Variants in NR2C1 observed in about 807,000 individuals in gnomAD.
The protein encoded by NR2C1 is nuclear receptor subfamily 2 group C member 1, also known as TR2 nuclear hormone receptor.
In NR2C1, 33 loss-of-function variants were observed where a neutral mutation model predicts 74.8. The observed-to-expected ratio is 0.44, with a 90% CI of 0.33 to 0.59. NR2C1 has a LOEUF of 0.59. Among genes scored for constraint, NR2C1 ranks in the 20% least tolerant of loss-of-function variants. NR2C1 has a pLI of 0.02. For synonymous variants in NR2C1, 225 were observed against 240.6 expected, an observed-to-expected ratio of 0.94 and a Z score of 0.60; for missense variants, 568 against 715.6, an observed-to-expected ratio of 0.79 and a Z score of 2.35.
At chr12:95,067,876 A>G (rs1052581506) in intron 1 of NR2C1, among the ~76,000 whole-genome samples, 17 of 125,430 alleles carry the variant, frequency 1.4e-4, no homozygotes, top group Non-Finnish European at 2.2e-4. Context: ...CCCTCCATGT[A>G]TCTTTTTTTT....
At chr12:95,044,434 ATT>A (rs57195159) in intron 9 of NR2C1, among the ~76,000 whole-genome samples, 11 of 141,564 alleles carry the variant, frequency 7.8e-5, no homozygotes, top group Admixed American at 1.4e-4. Context: ...CACCCGGCTA[ATT>A]TTTTTTTTTT....
chr12:95,072,362 G>C (rs1876787851), intron 1 of NR2C1, among the ~76,000 whole-genome samples: 1 of 149,522 alleles, frequency 6.7e-6, no homozygotes, highest in Admixed American at 6.7e-5. Context: ...GCTGAGACAG[G>C]AGAATCGCTT....
At chr12:95,058,531 T>A in intron 4 of NR2C1, 42 bp from the exon 5 acceptor site, 1 of 1,527,268 alleles carries the variant, frequency 6.5e-7, no homozygotes, top group Middle Eastern at 1.9e-4. Context: ...GTCACATTAT[T>A]TCAGAACAGA....
chr12:95,048,073 CT>C (rs1165738538), intron 9 of NR2C1, among the ~76,000 whole-genome samples: 4 of 152,016 alleles, frequency 2.6e-5, no homozygotes, highest in Non-Finnish European at 4.4e-5. Context: ...TAATTTGTAT[CT>C]TTTTAAATTT....
At chr12:95,041,762 A>C (rs531215199) in intron 9 of NR2C1, among the ~76,000 whole-genome samples, 285 of 152,278 alleles carry the variant, frequency 1.9e-3, no homozygotes, top group African/African-American at 6.5e-3. Flanking sequence ...CAAAATTTTG[A>C]AAGTAAGTAC....
intron 1 of NR2C1, among the ~76,000 whole-genome samples, chr12:95,071,844 G>A (rs201468040): frequency 6.6e-6 from 1 of 151,466 alleles, no homozygotes; most frequent in Admixed American, 6.6e-5. Context: ...CGCCTCCCGG[G>A]TTCAAGCAAT....
At chr12:95,042,616 T>TA (rs1209808074) in intron 9 of NR2C1, among the ~76,000 whole-genome samples, 3 of 152,226 alleles carry the variant, frequency 2.0e-5, no homozygotes, top group African/African-American at 7.2e-5. Context: ...CATAAAAATG[T>TA]AAAAAACAAC....
intron 7 of NR2C1, among the ~76,000 whole-genome samples, chr12:95,053,835 C>T (rs752937456): frequency 5.3e-5 from 8 of 152,074 alleles, no homozygotes; most frequent in Non-Finnish European, 1.0e-4. Flanking sequence ...AGGCGCCCGC[C>T]ACCATGCCCA....
At chr12:95,023,198 TTG>T (rs1868968283) in intron 13 of NR2C1, among the ~76,000 whole-genome samples, 1 of 151,972 alleles carries the variant, frequency 6.6e-6, no homozygotes, top group Admixed American at 6.6e-5. Context: ...TGGTGAAACC[TTG>T]TCTCTACTAA....
Position 95,043,929 on chromosome 12 carries a change from A to G in NR2C1, c.1132-3332T>C, listed in dbSNP as rs571440125. Among the ~76,000 whole-genome samples, 6 of 152,130 alleles carry G rather than the reference A, an allele frequency of 3.9e-5. No individual in the cohort carries two copies. In the East Asian group the frequency reaches 1.2e-3, roughly 29 times the overall value. ...CTTATAAAGAGAGAAAATGTTTCAT[A>G]ATCTGTTCTACATGCTCAATAAAAC... is the stretch of plus-strand genomic sequence containing the variant. On this transcript the variant is annotated intron_variant, in intron 9 of 13. Transcript: ENST00000333003.
rs2136125607 is a variant in NR2C1 at position 95,040,519 on chromosome 12, A to G, written c.1210T>C (p.Ser404Pro). The G allele has an allele frequency of 1.2e-6, 2 of 1,614,062 alleles. No homozygotes were observed. The highest frequency in any genetic ancestry group is 1.7e-4 in the Middle Eastern group (1 of 6,060). Residue 404 changes from serine to proline, a missense_variant, in exon 10 of 14, where the codon TCA becomes CCA. Coordinates refer to ENST00000333003, the MANE Select transcript of NR2C1 (RefSeq NM_003297.4). ...GGAATCGAAAGTGCCCAGTGCATTGATAAGAACAGCAGTCTGGAGGCAGAC... is the reference window on the plus strand; with the variant it reads ...GGAATCGAAAGTGCCCAGTGCATTGGTAAGAACAGCAGTCTGGAGGCAGAC... ...GESASRLLFL[S>P]MHWALSIPSF... is the part of the protein sequence containing the mutation.
chr12:95,063,996 T>C (rs1337220887), intron 2 of NR2C1, among the ~76,000 whole-genome samples: 2 of 120,032 alleles, frequency 1.7e-5, no homozygotes, highest in Non-Finnish European at 3.2e-5. Context: ...ACCACTACAC[T>C]CCAGCCTGGG....
chr12:95,028,235 T>C (rs1411052600), intron 12 of NR2C1, 152 bp downstream of exon 12: 2 of 602,788 alleles, frequency 3.3e-6, no homozygotes, highest in African/African-American at 1.9e-5. Flanking sequence ...CTGAGTCATA[T>C]GATAACTCCA....
intron 13 of NR2C1, among the ~76,000 whole-genome samples, chr12:95,023,072 A>T (rs1466972211): frequency 2.0e-5 from 3 of 151,950 alleles, no homozygotes; most frequent in Non-Finnish European, 4.4e-5. Context: ...TGGGCAGATC[A>T]CTTGAGGTCA....
At chr12:95,022,508 T>C (rs1311250642) in intron 13 of NR2C1, 105 bp from the exon 14 acceptor site, 9 of 932,100 alleles carry the variant, frequency 9.7e-6, no homozygotes, top group Admixed American at 4.7e-5. Flanking sequence ...TTAATAAAGA[T>C]AGCATTTTCA....
At chr12:95,048,286 G>C (rs1360227409) in intron 9 of NR2C1, among the ~76,000 whole-genome samples, 1 of 152,124 alleles carries the variant, frequency 6.6e-6, no homozygotes, top group African/African-American at 2.4e-5. Context: ...AACAAATGGA[G>C]CTCTTTGTAG....
At position 95,062,648 on chromosome 12, in the gene NR2C1, G is replaced by A. The variant is rs755168826; in HGVS notation, c.145C>T (p.His49Tyr). The change falls in exon 3 of 14, where the codon CAC becomes TAC. Residue 49 changes from histidine (H) to tyrosine (Y), a missense_variant. Transcript: ENST00000333003. Reference protein sequence around the residue: ...TQGKQFILTNHDGSTPSKVIL... With the variant: ...TQGKQFILTNYDGSTPSKVIL... Reference sequence around the variant, plus strand: ...ACTTTGCTTGGAGTAGAGCCGTCGTGATTTGTCAGAATGAACTGCTTGCCT... The same window carrying A: ...ACTTTGCTTGGAGTAGAGCCGTCGTAATTTGTCAGAATGAACTGCTTGCCT... 3 of 1,614,088 alleles carry A rather than the reference G, an allele frequency of 1.9e-6. No individual in the cohort carries two copies. In the East Asian group the frequency reaches 6.7e-5, roughly 36 times the overall value.
rs139822923 is a variant in NR2C1 at position 95,049,139 on chromosome 12, T to C, written c.1060A>G (p.Thr354Ala). The C allele has an allele frequency of 1.6e-5, 26 of 1,613,836 alleles. No homozygotes were observed. The African/African-American group carries it at 2.3e-4, about 14-fold the overall frequency. Residue 354 changes from threonine (T) to alanine (A), a missense_variant, in exon 9 of 14, where the codon ACT (threonine) becomes GCT (alanine). Physicochemically the swap from Thr to Ala is moderately conservative, Grantham distance 58. Around this residue, in one of 6 missense-constraint regions of NR2C1, gnomAD observed 239 missense variants for 232.3 expected, o/e 1.03. Transcript: ENST00000333003. ...AGMEGSVHLI[T>A]GDSSINYTEK... The stretch of plus-strand genomic sequence containing the variant: ...GTGTAATTTATGCTTGAATCTCCAG[T>C]GATTAGGTGTACACTTCCTTCCATG...
At chr12:95,039,353 A>G (rs930300517) in intron 10 of NR2C1, among the ~76,000 whole-genome samples, 1 of 152,252 alleles carries the variant, frequency 6.6e-6, no homozygotes, top group Non-Finnish European at 1.5e-5. Context: ...GGCAATTATT[A>G]TTCCCATTTG....
Sources: gnomAD v4.1 joint callset for allele counts (sites outside exome capture counted in the v4.1 genomes callset) on GRCh38, gnomAD v4.1.1 for gene constraint, gnomAD v4.1.1 regional missense constraint, MANE v1.5 for transcripts, NCBI Gene and HGNC (gene_info 2026-07-23, HGNC 2026-07-21) for gene names.